The following DLGAP1 variants were observed in gnomAD, a reference collection of about 807,000 sequenced individuals.
DLGAP1 encodes DLG associated protein 1, also known as disks large-associated protein 1.
DLGAP1 carries 11 observed loss-of-function variants against 90.8 expected under a neutral mutation model. The observed-to-expected ratio is 0.12, with a 90% CI of 0.08 to 0.20. The LOEUF (loss-of-function observed/expected upper bound fraction) is 0.20, where lower values mean the gene tolerates loss of function less well. Ranked by LOEUF, DLGAP1 falls within the 10% of genes least tolerant of loss-of-function variation. The pLI is 1.00. For missense variants in DLGAP1, 1,050 were observed against 1,333.8 expected (o/e 0.79, Z 3.31); for synonymous variants, 558 against 540.7 (o/e 1.03, Z -0.44).
At chr18:4,164,570 C>G (rs931835253) in intron 1 of DLGAP1, among the ~76,000 whole-genome samples, 2 of 152,074 alleles carry the variant, frequency 1.3e-5, no homozygotes, top group Non-Finnish European at 2.9e-5. Context: ...ATCCCAGCTA[C>G]TTGGGAGGCT....
chr18:3,607,403 C>G (rs2057376113), intron 7 of DLGAP1: 1 of 152,140 alleles, frequency 6.6e-6, no homozygotes. Flanking sequence ...AGCGATCCAC[C>G]CTCCTCAGCC....
At chr18:4,323,257 A>G (rs2143628458) in intron 1 of DLGAP1, among the ~76,000 whole-genome samples, 1 of 152,350 alleles carries the variant, frequency 6.6e-6, no homozygotes, top group South Asian at 2.1e-4. Flanking sequence ...TTATACTTGT[A>G]AAAATGGGTC....
At chr18:3,545,416 C>T (rs749528197) in intron 9 of DLGAP1, among the ~76,000 whole-genome samples, 52 of 151,992 alleles carry the variant, frequency 3.4e-4, no homozygotes, top group Admixed American at 6.6e-4. Flanking sequence ...AAATACAATA[C>T]GGCATACTTA....
At chr18:3,952,876 C>T (rs553724543) in intron 3 of DLGAP1, among the ~76,000 whole-genome samples, 2 of 152,154 alleles carry the variant, frequency 1.3e-5, no homozygotes, top group Non-Finnish European at 1.5e-5. Flanking sequence ...CCACCCAGGA[C>T]GGATGGCTAC....
At chr18:3,645,466 T>C (rs1380029040) in intron 7 of DLGAP1, among the ~76,000 whole-genome samples, 1 of 152,176 alleles carries the variant, frequency 6.6e-6, no homozygotes, top group East Asian at 1.9e-4. Context: ...GCCTGGATGT[T>C]TTCCCTTGTG....
At chr18:3,915,182 G>A (rs1385650169) in intron 3 of DLGAP1, among the ~76,000 whole-genome samples, 1 of 152,082 alleles carries the variant, frequency 6.6e-6, no homozygotes, top group Non-Finnish European at 1.5e-5. Context: ...TGTCTATTCA[G>A]GTCCTTTGCC....
intron 1 of DLGAP1, among the ~76,000 whole-genome samples, chr18:4,247,544 G>C (rs1305110059): frequency 6.6e-6 from 1 of 152,120 alleles, no homozygotes; most frequent in African/African-American, 2.4e-5. Flanking sequence ...CGGAGGCCGA[G>C]CCGAGCGGAT....
intron 1 of DLGAP1, among the ~76,000 whole-genome samples, chr18:4,230,937 T>C (rs2078286492): frequency 6.6e-6 from 1 of 151,662 alleles, no homozygotes; most frequent in Non-Finnish European, 1.5e-5. Flanking sequence ...TAATTTGAAA[T>C]AAAACAAACA....
intron 1 of DLGAP1, among the ~76,000 whole-genome samples, chr18:4,357,170 T>TTTTTTTG (rs1555605565): frequency 3.9e-4 from 56 of 145,066 alleles, no homozygotes; most frequent in African/African-American, 1.4e-3. Context: ...TTTTTTTTTT[T>TTTTTTTG]TTTTTGACAG....
intron 2 of DLGAP1, among the ~76,000 whole-genome samples, chr18:4,021,306 T>A (rs1186430542): frequency 1.3e-5 from 2 of 152,168 alleles, no homozygotes; most frequent in East Asian, 3.9e-4. Context: ...GGGCAAGTCC[T>A]TCATAGCCTG....
intron 2 of DLGAP1, among the ~76,000 whole-genome samples, chr18:4,024,623 A>G (rs890584438): frequency 2.6e-5 from 4 of 152,166 alleles, no homozygotes; most frequent in Non-Finnish European, 5.9e-5. Context: ...GGGGAGTGCA[A>G]TTCTTTTATG....
chr18:3,948,762 A>G lies in DLGAP1; in HGVS notation c.-73+56354T>C, dbSNP rs1246960324. Among the ~76,000 whole-genome samples, 3 of 152,014 alleles carry G rather than the reference A, an allele frequency of 2.0e-5. No homozygotes were observed. The East Asian group carries it at 5.8e-4, about 29-fold the overall frequency. Reference sequence around the variant, plus strand: ...AAGAATGATACAATGGACTTGGGGGACTCAGGGGAAAGGGTGGGAAGGGAG... The same window carrying G: ...AAGAATGATACAATGGACTTGGGGGGCTCAGGGGAAAGGGTGGGAAGGGAG... On this transcript the variant is annotated intron_variant, in intron 3 of 12. Transcript: ENST00000315677.
At chr18:3,848,127 C>CAAAAAAAAAAAAAAAAAAA (rs3862177) in intron 4 of DLGAP1, among the ~76,000 whole-genome samples, 3 of 32,078 alleles carry the variant, frequency 9.4e-5, no homozygotes, top group African/African-American at 1.7e-4. Context: ...GGCCCCGTCT[C>CAAAAAAAAAAAAAAAAAAA]AAAAAAAAAA....
chr18:4,256,558 C>T (rs2078891649), intron 1 of DLGAP1, among the ~76,000 whole-genome samples: 1 of 152,116 alleles, frequency 6.6e-6, no homozygotes, highest in Admixed American at 6.5e-5. Flanking sequence ...GGTATGTGTG[C>T]ATGTGTATAT....
chr18:3,589,985 A>C (rs2056138046), intron 7 of DLGAP1, among the ~76,000 whole-genome samples: 1 of 152,194 alleles, frequency 6.6e-6, no homozygotes, highest in Non-Finnish European at 1.5e-5. Flanking sequence ...GTCTCGGCTC[A>C]CTGCAACATC....
At chr18:3,981,591 A>G (rs936018882) in intron 3 of DLGAP1, among the ~76,000 whole-genome samples, 7 of 152,254 alleles carry the variant, frequency 4.6e-5, no homozygotes, top group African/African-American at 1.7e-4. Flanking sequence ...AGAAGGCTCT[A>G]TAACTAAGAA....
chr18:4,037,185 A>G (rs980367390), intron 2 of DLGAP1, among the ~76,000 whole-genome samples: 2 of 152,228 alleles, frequency 1.3e-5, no homozygotes, highest in African/African-American at 4.8e-5. Context: ...CTGTCAATGC[A>G]TAAGAAGGAT....
chr18:3,692,817 A>G (rs2147035663), intron 7 of DLGAP1, among the ~76,000 whole-genome samples: 1 of 152,226 alleles, frequency 6.6e-6, no homozygotes, highest in South Asian at 2.1e-4. Flanking sequence ...CTGTCCCTGG[A>G]AATTCAAACA....
chr18:3,955,900 C>T (rs28573161), intron 3 of DLGAP1, among the ~76,000 whole-genome samples: 31,598 of 151,968 alleles, frequency 0.21, 3,372 homozygotes, highest in Admixed American at 0.23. Flanking sequence ...CAAAATAAAA[C>T]ACATAGAAAA....
Sources: allele counts gnomAD v4.1 joint callset (sites outside exome capture counted in the v4.1 genomes callset), GRCh38; gene constraint gnomAD v4.1.1; transcripts MANE v1.5; gene names NCBI Gene and HGNC (gene_info 2026-07-23, HGNC 2026-07-21).